Variants in NAALADL2 observed in about 807,000 individuals in gnomAD.
NAALADL2 encodes N-acetylated alpha-linked acidic dipeptidase like 2.
A neutral mutation model predicts 87.2 loss-of-function variants in NAALADL2; 76 were observed. That is an observed-to-expected ratio of 0.87 (90% CI 0.72 to 1.05). The LOEUF (loss-of-function observed/expected upper bound fraction) is 1.05, where lower values mean the gene tolerates loss of function less well. Ranked by LOEUF, NAALADL2 falls within the 50% of genes least tolerant of loss-of-function variation. NAALADL2 has a pLI of 0.00. For missense variants in NAALADL2, 1,089 were observed against 945.8 expected, an observed-to-expected ratio of 1.15 and a Z score of -1.99; for synonymous variants, 354 against 331.0, an observed-to-expected ratio of 1.07 and a Z score of -0.75.
intron 1 of NAALADL2, among the ~76,000 whole-genome samples, chr3:175,028,850 G>A (rs1445492959): frequency 1.3e-5 from 2 of 151,546 alleles, no homozygotes; most frequent in Non-Finnish European, 2.9e-5. Context: ...AAAAATCTTA[G>A]TTGAGTCTTA....
At chr3:174,446,167 A>C (rs1462435617) in intron 1 of NAALADL2, among the ~76,000 whole-genome samples, 1 of 152,152 alleles carries the variant, frequency 6.6e-6, no homozygotes, top group African/African-American at 2.4e-5. Context: ...TTAGACTTTC[A>C]TCATATTGGG....
intron 1 of NAALADL2, among the ~76,000 whole-genome samples, chr3:174,993,181 A>G (rs1746972398): frequency 6.6e-6 from 1 of 152,148 alleles, no homozygotes; most frequent in Non-Finnish European, 1.5e-5. Flanking sequence ...GAGAATTCCT[A>G]TGAAATGGAA....
intron 5 of NAALADL2, among the ~76,000 whole-genome samples, chr3:175,344,521 A>G (rs2148851770): frequency 6.6e-6 from 1 of 151,988 alleles, no homozygotes; most frequent in African/African-American, 2.4e-5. Flanking sequence ...TTATGGGTTA[A>G]TTGGAATTTT....
At chr3:175,555,091 G>C (rs1715042520) in intron 9 of NAALADL2, among the ~76,000 whole-genome samples, 1 of 152,180 alleles carries the variant, frequency 6.6e-6, no homozygotes, top group South Asian at 2.1e-4. Context: ...TATGAGCCAA[G>C]ACCCTATCTA....
intron 2 of NAALADL2, among the ~76,000 whole-genome samples, chr3:174,580,783 G>C (rs1716082210): frequency 6.6e-6 from 1 of 151,888 alleles, no homozygotes; most frequent in Non-Finnish European, 1.5e-5. Context: ...TTCAGCTTTG[G>C]GCTATGAACA....
At chr3:174,447,934 A>G (rs1458458355) in intron 1 of NAALADL2, among the ~76,000 whole-genome samples, 4 of 152,224 alleles carry the variant, frequency 2.6e-5, no homozygotes, top group Non-Finnish European at 5.9e-5. Flanking sequence ...GCATAAAGGT[A>G]GATAGTTTGT....
At chr3:175,797,584 G>A (rs897228013) in intron 13 of NAALADL2, among the ~76,000 whole-genome samples, 2 of 152,050 alleles carry the variant, frequency 1.3e-5, no homozygotes, top group East Asian at 1.9e-4. Flanking sequence ...TCTTTCCACT[G>A]TATTTTTTCT....
Position 175,755,390 on chromosome 3 carries a change from G to T in NAALADL2, c.2161G>T (p.Val721Leu). 2 of 1,603,924 alleles carry T rather than the reference G, an allele frequency of 1.2e-6. No individual in the cohort carries two copies. Among genetic ancestry groups the T allele is most frequent in the Non-Finnish European group, 1.7e-6 (2 of 1,174,256 alleles). ...CCAAGACATGGAGAAAAGCTTTCTG[G>T]TAAAGCAGGCACCACCAGGTTTTTA... ...ILQDMEKSFL[V>L]KQAPPGFYRN... Residue 721 changes from valine to leucine, a missense_variant, in exon 13 of 14, where the codon GTA (valine) becomes TTA (leucine). Transcript: ENST00000454872.
chr3:175,304,599 CTCATT>C (rs1310750522), intron 4 of NAALADL2, among the ~76,000 whole-genome samples: 8 of 152,114 alleles, frequency 5.3e-5, no homozygotes, highest in African/African-American at 9.7e-5. Context: ...GAAGCCGGTG[CTCATT>C]TCAACTCGCA....
chr3:175,338,796 G>A (rs1371186084), intron 5 of NAALADL2, among the ~76,000 whole-genome samples: 1 of 152,150 alleles, frequency 6.6e-6, no homozygotes, highest in East Asian at 1.9e-4. Context: ...GTTAGGATTG[G>A]TACTATCCTT....
chr3:175,551,143 G>A (rs1028180866), intron 9 of NAALADL2, among the ~76,000 whole-genome samples: 3 of 151,936 alleles, frequency 2.0e-5, no homozygotes, highest in African/African-American at 7.2e-5. Flanking sequence ...ATTTGTTGAG[G>A]TGATTGTGAA....
intron 2 of NAALADL2, chr3:174,691,907 A>G (rs1356833740): frequency 6.6e-6 from 1 of 152,174 alleles, no homozygotes; most frequent in African/African-American, 2.4e-5. Context: ...GATTGCAGCA[A>G]TTCAGTCATA....
chr3:174,987,827 T>TATATATATATATAA (rs1222203525), intron 1 of NAALADL2, among the ~76,000 whole-genome samples: 26 of 130,534 alleles, frequency 2.0e-4, no homozygotes, highest in African/African-American at 8.5e-4. Context: ...TATATATATA[T>TATATATATATATAA]AATGAGACCT....
At chr3:174,612,155 C>T (rs1383538852) in intron 2 of NAALADL2, among the ~76,000 whole-genome samples, 2 of 152,150 alleles carry the variant, frequency 1.3e-5, no homozygotes, top group East Asian at 1.9e-4. Flanking sequence ...GGAAAGTCTG[C>T]TGCCAGGTGT....
At chr3:175,546,210 A>T (rs1276023989) in intron 9 of NAALADL2, among the ~76,000 whole-genome samples, 1 of 151,368 alleles carries the variant, frequency 6.6e-6, no homozygotes, top group Admixed American at 6.6e-5. Flanking sequence ...TAGGATTTTA[A>T]CCCCTGCTTT....
intron 1 of NAALADL2, among the ~76,000 whole-genome samples, chr3:174,884,374 C>T (rs989109043): frequency 6.6e-6 from 1 of 152,130 alleles, no homozygotes; most frequent in Non-Finnish European, 1.5e-5. Context: ...GTAATTGTGA[C>T]TTCAAAATGC....
chr3:175,754,087 A>G (rs1462385052), intron 12 of NAALADL2, among the ~76,000 whole-genome samples: 1 of 152,176 alleles, frequency 6.6e-6, no homozygotes, highest in African/African-American at 2.4e-5. Context: ...CTCTCATGAC[A>G]TGATAAGAGA....
chr3:174,683,239 A>G (rs1025731625), intron 2 of NAALADL2, among the ~76,000 whole-genome samples: 12 of 152,158 alleles, frequency 7.9e-5, no homozygotes, highest in Non-Finnish European at 2.9e-5. Flanking sequence ...AATAAAAAAC[A>G]ATGAAGTGTG....
intron 4 of NAALADL2, among the ~76,000 whole-genome samples, chr3:175,265,955 T>C (rs933324404): frequency 3.1e-5 from 4 of 129,994 alleles, no homozygotes; most frequent in African/African-American, 1.1e-4. Context: ...ATTTGCTGTA[T>C]TTATGCAAAC....
Sources: gnomAD v4.1 joint callset for allele counts (sites outside exome capture counted in the v4.1 genomes callset) on GRCh38, gnomAD v4.1.1 for gene constraint, MANE v1.5 for transcripts, NCBI Gene and HGNC (gene_info 2026-07-23, HGNC 2026-07-21) for gene names.